The following WWOX variants were observed in gnomAD, a reference collection of about 807,000 sequenced individuals.
The protein encoded by WWOX is WW domain containing oxidoreductase.
A neutral mutation model predicts 46.2 loss-of-function variants in WWOX; 69 were observed. The ratio of observed to expected loss-of-function variants is 1.49; its 90% confidence interval spans 1.23 to 1.82. The LOEUF is 1.82. Among genes scored for constraint, WWOX ranks in the 40% most tolerant of loss-of-function variants. WWOX has a pLI of 0.00. For missense variants in WWOX, 919 were observed against 542.6 expected (o/e 1.69, Z -6.89); for synonymous variants, 359 against 202.6 (o/e 1.77, Z -6.56).
chr16:78,856,942 C>G (rs373454893), intron 8 of WWOX, among the ~76,000 whole-genome samples: 1 of 152,158 alleles, frequency 6.6e-6, no homozygotes, highest in East Asian at 1.9e-4. Context: ...GCATATTGCT[C>G]CCTGGCAGCA....
chr16:78,622,419 A>G (rs2046211505), intron 8 of WWOX, among the ~76,000 whole-genome samples: 1 of 152,048 alleles, frequency 6.6e-6, no homozygotes, highest in Non-Finnish European at 1.5e-5. Context: ...GTGTACACCC[A>G]TAATCCCAGG....
chr16:78,244,838 GT>G lies in WWOX; in HGVS notation c.516+80552del, dbSNP rs375519616. Among the ~76,000 whole-genome samples the G allele has an allele frequency of 1.1e-3, 167 of 152,006 alleles. 2 individuals are homozygous for G. Among genetic ancestry groups the G allele is most frequent in the African/African-American group, 3.8e-3 (157 of 41,464 alleles). Reference sequence around the variant, plus strand: ...TGTTTTCTTTCCCCCTTGGAGTTCTGTTTCTTCTTAAAATTAGCTATTTCTC... The same window carrying G: ...TGTTTTCTTTCCCCCTTGGAGTTCTGTTCTTCTTAAAATTAGCTATTTCTC... On this transcript the variant is annotated intron_variant, in intron 5 of 8. Transcript: ENST00000566780.
chr16:78,798,798 T>G (rs1250055807), intron 8 of WWOX, among the ~76,000 whole-genome samples: 1 of 152,220 alleles, frequency 6.6e-6, no homozygotes, highest in East Asian at 1.9e-4. Context: ...TGAAGGACAC[T>G]GGTCTATTGA....
intron 8 of WWOX, among the ~76,000 whole-genome samples, chr16:78,591,169 G>A (rs1212675547): frequency 1.3e-5 from 2 of 152,062 alleles, no homozygotes; most frequent in Admixed American, 6.6e-5. Context: ...TTTCAAGATG[G>A]TTTTAGCACT....
chr16:78,379,333 A>G (rs935328273), intron 5 of WWOX, among the ~76,000 whole-genome samples: 7 of 152,118 alleles, frequency 4.6e-5, no homozygotes, highest in South Asian at 2.1e-4. Flanking sequence ...TTCCCTGTAA[A>G]CAGCAACCCT....
rs531281906 is a variant in WWOX, at chr16:78,989,186, T to C, written c.1057-222422T>C. Reference sequence around the variant, plus strand: ...GTATCTCCCCAGGGTTAGTGAGTAATTGGGAATAGTGTTCCATCTTGGATG... The same window carrying C: ...GTATCTCCCCAGGGTTAGTGAGTAACTGGGAATAGTGTTCCATCTTGGATG... On this transcript the variant is annotated intron_variant, in intron 8 of 8. Transcript: ENST00000566780. Among the ~76,000 whole-genome samples, 4 of 152,280 alleles carry C rather than the reference T, an allele frequency of 2.6e-5. No homozygotes were observed. In the South Asian group the frequency reaches 8.3e-4, roughly 32 times the overall value.
intron 8 of WWOX, among the ~76,000 whole-genome samples, chr16:78,463,162 C>G (rs1041162625): frequency 2.6e-5 from 4 of 152,208 alleles, no homozygotes; most frequent in South Asian, 4.1e-4. Flanking sequence ...AGAGTGAAAA[C>G]GCGAAAGAAA....
At chr16:78,839,214 C>A (rs2052072234) in intron 8 of WWOX, among the ~76,000 whole-genome samples, 1 of 152,174 alleles carries the variant, frequency 6.6e-6, no homozygotes, top group African/African-American at 2.4e-5. Context: ...CACGAGCCCA[C>A]CACCCAGAGA....
At chr16:78,992,064 C>A (rs190890898) in intron 8 of WWOX, among the ~76,000 whole-genome samples, 1 of 152,280 alleles carries the variant, frequency 6.6e-6, no homozygotes, top group Non-Finnish European at 1.5e-5. Flanking sequence ...TGCATTAATT[C>A]GTTCATTCTT....
intron 8 of WWOX, among the ~76,000 whole-genome samples, chr16:78,939,134 C>G (rs978766093): frequency 6.6e-6 from 1 of 152,130 alleles, no homozygotes; most frequent in African/African-American, 2.4e-5. Context: ...TTGACTTGGG[C>G]TCGAAGTCAC....
intron 8 of WWOX, among the ~76,000 whole-genome samples, chr16:78,816,064 A>G (rs1255624951): frequency 6.6e-6 from 1 of 152,158 alleles, no homozygotes; most frequent in African/African-American, 2.4e-5. Flanking sequence ...TCCTGCTTCT[A>G]TTCTGCTTTT....
intron 8 of WWOX, among the ~76,000 whole-genome samples, chr16:79,023,377 T>C (rs898522590): frequency 1.1e-4 from 16 of 152,204 alleles, no homozygotes; most frequent in African/African-American, 3.6e-4. Flanking sequence ...GGAATGTGCC[T>C]AATTCCCTTG....
At chr16:78,940,174 T>A (rs534761957) in intron 8 of WWOX, among the ~76,000 whole-genome samples, 20 of 152,294 alleles carry the variant, frequency 1.3e-4, no homozygotes, top group Admixed American at 9.8e-4. Context: ...TGCAGATTCT[T>A]AAAGCATGAA....
intron 8 of WWOX, among the ~76,000 whole-genome samples, chr16:78,845,768 C>CT (rs1395398846): frequency 6.6e-6 from 1 of 152,148 alleles, no homozygotes; most frequent in Non-Finnish European, 1.5e-5. Flanking sequence ...TAATCCTGTA[C>CT]TAATTTAATG....
At chr16:78,791,379 G>C (rs891687360) in intron 8 of WWOX, among the ~76,000 whole-genome samples, 1 of 152,176 alleles carries the variant, frequency 6.6e-6, no homozygotes, top group Admixed American at 6.5e-5. Flanking sequence ...AGGAGCAGCC[G>C]ATCTGAGACT....
At chr16:78,981,568 G>T (rs891685697) in intron 8 of WWOX, among the ~76,000 whole-genome samples, 1 of 151,988 alleles carries the variant, frequency 6.6e-6, no homozygotes, top group Non-Finnish European at 1.5e-5. Context: ...CTCCCAAGTA[G>T]CTGGGAGTAA....
intron 8 of WWOX, among the ~76,000 whole-genome samples, chr16:78,664,783 A>G (rs2047292106): frequency 6.6e-6 from 1 of 152,162 alleles, no homozygotes; most frequent in South Asian, 2.1e-4. Context: ...TTAATTATTA[A>G]CAGTTAAAAA....
chr16:79,026,358 A>T lies in WWOX; in HGVS notation c.1057-185250A>T. Among the ~76,000 whole-genome samples, 2 of 151,616 alleles carry T rather than the reference A, an allele frequency of 1.3e-5. 1 individual carries two copies. The highest frequency in any genetic ancestry group is 4.9e-5 in the African/African-American group (2 of 40,978). ...CACCTTCATTAGGTTATCAGATCTC[A>T]GCTCACACATCACATCTTCTGAGAT... On this transcript the variant is annotated intron_variant, in intron 8 of 8. Transcript: ENST00000566780.
intron 8 of WWOX, among the ~76,000 whole-genome samples, chr16:79,084,520 A>G (rs2048819016): frequency 6.6e-6 from 1 of 152,122 alleles, no homozygotes; most frequent in Non-Finnish European, 1.5e-5. Flanking sequence ...ACCCAGGTTC[A>G]GTCGATTCTC....
Sources: gnomAD v4.1 joint callset for allele counts (sites outside exome capture counted in the v4.1 genomes callset) on GRCh38, gnomAD v4.1.1 for gene constraint, MANE v1.5 for transcripts, NCBI Gene and HGNC (gene_info 2026-07-23, HGNC 2026-07-21) for gene names.